PCSK1: variants seen among roughly 807,000 people sequenced by gnomAD.
The protein encoded by PCSK1 is neuroendocrine convertase 1.
A neutral mutation model predicts 90.6 loss-of-function variants in PCSK1; 56 were observed. That is an observed-to-expected ratio of 0.62 (90% confidence interval 0.50 to 0.77). PCSK1 has a LOEUF of 0.77. PCSK1 is among the 30% of genes least tolerant of loss of function. PCSK1 has a pLI of 0.00. For synonymous variants in PCSK1, 348 were observed against 342.4 expected (o/e 1.02, Z -0.18); for missense variants, 801 against 932.6 (o/e 0.86, Z 1.84).
intron 13 of PCSK1, among the ~76,000 whole-genome samples, chr5:96,394,641 A>G (rs1276797145): frequency 6.6e-6 from 1 of 152,240 alleles, no homozygotes; most frequent in African/African-American, 2.4e-5. Flanking sequence ...AGGAAATTTA[A>G]TACTTTTGAA....
chr5:96,427,245 T>C (rs114600893), intron 2 of PCSK1, among the ~76,000 whole-genome samples: 3,747 of 152,308 alleles, frequency 0.025, 150 homozygotes, highest in African/African-American at 0.086. Context: ...GAGGAGGCAC[T>C]CTGCCGTCTG....
Position 96,394,893 on chromosome 5 carries a change from C to G in PCSK1, c.1855G>C (p.Gly619Arg), listed in dbSNP as rs144324144. ...CCTGGATCCACCATCTTCTCCACCCCTCTTCTGTCATTCTGAACAGTGTTG... is the reference window on the plus strand; with the variant it reads ...CCTGGATCCACCATCTTCTCCACCCGTCTTCTGTCATTCTGAACAGTGTTG... Reference protein sequence around the residue: ...SYNTVQNDRRGVEKMVDPGEE... With the variant: ...SYNTVQNDRRRVEKMVDPGEE... Residue 619 changes from glycine to arginine, a missense_variant, in exon 13 of 14, where the codon GGG (glycine) becomes CGG (arginine). Coordinates refer to ENST00000311106, the MANE Select transcript of PCSK1 (RefSeq NM_000439.5). 5.6e-6 allele frequency: 9 copies of G among 1,614,040 alleles called. No individual in the cohort carries two copies. The African/African-American group carries it at 1.1e-4, about 19-fold the overall frequency.
chr5:96,415,104 T>A (rs76933639), intron 6 of PCSK1, among the ~76,000 whole-genome samples: 3,750 of 152,302 alleles, frequency 0.025, 152 homozygotes, highest in African/African-American at 0.086. Flanking sequence ...AGCCTGAGGT[T>A]GGGATAGCAT....
chr5:96,431,975 C>A (rs1761517315), intron 1 of PCSK1: 2 of 748,182 alleles, frequency 2.7e-6, no homozygotes, highest in Non-Finnish European at 4.7e-6. Flanking sequence ...AAGCAGTCTC[C>A]CACTTAATGT....
chr5:96,423,312 C>T lies in PCSK1; in HGVS notation c.543+1G>A, dbSNP rs962867098. ...ACAGTCATGAGAAGGCACACACTTA[C>T]ATAGTTGGCATAAATGTCCGTGTGA... On this transcript the variant is annotated splice_donor_variant, in intron 4 of 13. Coordinates refer to ENST00000311106, the MANE Select transcript of PCSK1 (RefSeq NM_000439.5). LOFTEE classifies it high-confidence loss of function. The T allele has an allele frequency of 6.2e-7, 1 of 1,606,898 alleles. No homozygotes were observed. Among genetic ancestry groups the T allele is most frequent in the South Asian group, 1.1e-5 (1 of 89,726 alleles).
intron 8 of PCSK1, among the ~76,000 whole-genome samples, chr5:96,410,277 C>T (rs1490296563): frequency 6.6e-6 from 1 of 152,116 alleles, no homozygotes; most frequent in Non-Finnish European, 1.5e-5. Flanking sequence ...GAGCAGTTCA[C>T]CTCAGGGGAC....
intron 6 of PCSK1, among the ~76,000 whole-genome samples, chr5:96,414,741 G>C (rs1187445270): frequency 6.6e-6 from 1 of 152,090 alleles, no homozygotes; most frequent in East Asian, 1.9e-4. Flanking sequence ...AACTATAGCT[G>C]TTTCGTTCAT....
Position 96,400,108 on chromosome 5 carries a change from T to C in PCSK1, c.1275A>G (p.Gly425=), listed in dbSNP as rs1580746901. ...TCAAGCCTGCTCCATTCTTTTTCCATCCAGGGTTATTGGCCAGCGGGTCAT... is the reference window on the plus strand; with the variant it reads ...TCAAGCCTGCTCCATTCTTTTTCCACCCAGGGTTATTGGCCAGCGGGTCAT... ...SEYDPLANNP[G]WKKNGAGLMV... The change falls in exon 10 of 14, where the codon GGA becomes GGG. Residue 425 remains glycine, a synonymous_variant. Coordinates refer to ENST00000311106, the MANE Select transcript of PCSK1 (RefSeq NM_000439.5). The C allele has an allele frequency of 6.2e-7, 1 of 1,614,134 alleles. No individual in the cohort carries two copies. The highest frequency in any genetic ancestry group is 1.7e-5 in the Admixed American group (1 of 60,022).
chr5:96,397,911 A>T (rs527267169), intron 11 of PCSK1, among the ~76,000 whole-genome samples: 1 of 151,784 alleles, frequency 6.6e-6, no homozygotes, highest in Non-Finnish European at 1.5e-5. Flanking sequence ...CATAAAAATT[A>T]TTATTTAATT....
chr5:96,411,935 G>T (rs1307044629), intron 7 of PCSK1, among the ~76,000 whole-genome samples: 1 of 152,066 alleles, frequency 6.6e-6, no homozygotes, highest in Non-Finnish European at 1.5e-5. Context: ...TCAGCCTCCC[G>T]AGTAGCTGGG....
intron 9 of PCSK1, among the ~76,000 whole-genome samples, chr5:96,404,232 AT>A (rs1051081079): frequency 3.3e-5 from 5 of 152,198 alleles, no homozygotes; most frequent in Non-Finnish European, 7.3e-5. Flanking sequence ...TCTTTATAGC[AT>A]TTGTTTCTCA....
chr5:96,432,185 T>C, intron 1 of PCSK1: 3 of 1,496,450 alleles, frequency 2.0e-6, no homozygotes, highest in Non-Finnish European at 2.7e-6. Context: ...GCTTGGACTT[T>C]ATAAGTTCCC....
chr5:96,427,951 C>A (rs569957192), intron 2 of PCSK1, among the ~76,000 whole-genome samples: 2 of 152,206 alleles, frequency 1.3e-5, no homozygotes, highest in Middle Eastern at 6.8e-3. Flanking sequence ...AGGTCCAGGG[C>A]CTCTGATTTG....
Position 96,392,714 on chromosome 5 carries a change from T to A in PCSK1, c.*287A>T. On this transcript the variant is annotated 3_prime_UTR_variant, in exon 14 of 14. Transcript: ENST00000311106. ...AATGGGCTCTAATGCAGTGTTCTAA[T>A]GTAGTGTAAGAGCTTTTTGTCAACT... 1 of 465,958 alleles carries A rather than the reference T, an allele frequency of 2.1e-6. No homozygotes were observed. The highest frequency in any genetic ancestry group is 3.9e-6 in the Non-Finnish European group (1 of 256,644). The allele number at this position is 465,958 out of a possible 1,614,324, so 28.9% of individuals were successfully genotyped here. A position where few individuals can be genotyped will look rare whatever the true frequency, so the allele number is the denominator to read the frequency against.
chr5:96,413,963 CAAAAAAAAAAAAA>C (rs61316405), intron 6 of PCSK1, among the ~76,000 whole-genome samples: 2 of 22,436 alleles, frequency 8.9e-5, no homozygotes, highest in Non-Finnish European at 2.6e-4. Flanking sequence ...ACTAAAAATA[CAAAAAAAAAAAAA>C]AAAAAAAAAA....
At chr5:96,412,819 G>T in intron 6 of PCSK1, 2 of 320,042 alleles carry the variant, frequency 6.2e-6, no homozygotes, top group Non-Finnish European at 9.6e-6. Context: ...TCTGGGCATT[G>T]AGTCTGAAGT....
chr5:96,392,854 T>C lies in PCSK1; in HGVS notation c.*147A>G, dbSNP rs191568835. On this transcript the variant is annotated 3_prime_UTR_variant, in exon 14 of 14. Coordinates refer to ENST00000311106, the MANE Select transcript of PCSK1 (RefSeq NM_000439.5). ...CCTGCTTGAGCTCATCCCCTTCACA[T>C]GTACAGTTTAGGGAGAAAAAGAAAA... 2.0e-5 allele frequency: 16 copies of C among 786,046 alleles called. No homozygotes were observed. Among genetic ancestry groups the C allele is most frequent in the Admixed American group, 6.1e-5 (3 of 49,336 alleles). The allele number at this position is 786,046 out of a possible 1,614,324, so 48.7% of individuals were successfully genotyped here. A position where few individuals can be genotyped will look rare whatever the true frequency, so the allele number is the denominator to read the frequency against.
Position 96,398,900 on chromosome 5 carries a change from C to T in PCSK1, c.1567G>A (p.Val523Ile), listed in dbSNP as rs1426842813. The change falls in exon 11 of 14, where the codon GTC becomes ATC. Residue 523 changes from valine (V) to isoleucine (I), a missense_variant. Coordinates refer to ENST00000311106, the MANE Select transcript of PCSK1 (RefSeq NM_000439.5). ...IEYSRRGDLHVTLTSAAGTST... is the reference protein window; with the variant it reads ...IEYSRRGDLHITLTSAAGTST... ...TTACCAGCAGCAGAAGTAAGTGTGA[C>T]ATGAAGGTCTCCTCTTCGGGAATAT... 1 of 1,613,558 alleles carries T rather than the reference C, an allele frequency of 6.2e-7. No individual in the cohort carries two copies. Among genetic ancestry groups the T allele is most frequent in the Non-Finnish European group, 8.5e-7 (1 of 1,179,636 alleles).
At chr5:96,428,035 C>T (rs1458208715) in intron 2 of PCSK1, among the ~76,000 whole-genome samples, 7 of 151,314 alleles carry the variant, frequency 4.6e-5, no homozygotes, top group African/African-American at 1.2e-4. Flanking sequence ...GGTCACTGTC[C>T]GTGGTCCTAA....
Sources: allele counts gnomAD v4.1 joint callset (sites outside exome capture counted in the v4.1 genomes callset), GRCh38; gene constraint gnomAD v4.1.1; transcripts MANE v1.5; gene names NCBI Gene and HGNC (gene_info 2026-07-23, HGNC 2026-07-21).